SLC71A2: variants seen among roughly 807,000 people sequenced by gnomAD.
The protein encoded by SLC71A2 is hippocampus abundant transcript-like 1.
At chr9:94,429,086 T>G in the SLC71A2 span, 1 of 1,485,420 alleles carries the variant, frequency 6.7e-7, no homozygotes, top group Non-Finnish European at 9.0e-7. Flanking sequence ...TTTATAATTT[T>G]TCATTGCAGG....
the SLC71A2 span, among the ~76,000 whole-genome samples, chr9:94,427,686 C>CA: frequency 2.1e-5 from 3 of 142,760 alleles, no homozygotes; most frequent in Non-Finnish European, 4.5e-5. Context: ...GACCAGCACT[C>CA]ACTCCACCCT....
the SLC71A2 span, among the ~76,000 whole-genome samples, chr9:94,456,881 C>T: frequency 1.3e-5 from 2 of 152,108 alleles, no homozygotes; most frequent in East Asian, 1.9e-4. Context: ...ATCCATATCC[C>T]ATCCTTCCCA....
chr9:94,429,194 A>T, the SLC71A2 span: 1 of 1,603,254 alleles, frequency 6.2e-7, no homozygotes, highest in Non-Finnish European at 8.5e-7. Flanking sequence ...TGTAGGTTCT[A>T]CATGAAACAT....
chr9:94,440,058 A>T, the SLC71A2 span, among the ~76,000 whole-genome samples: 2 of 152,190 alleles, frequency 1.3e-5, no homozygotes, highest in African/African-American at 4.8e-5. Context: ...ACTGAAAAAT[A>T]TTCCTATTGT....
chr9:94,456,317 A>C, the SLC71A2 span: 2 of 1,614,062 alleles, frequency 1.2e-6, no homozygotes, highest in Non-Finnish European at 1.7e-6. Context: ...GTCTCTCGGA[A>C]TGCAGAGTCA....
the SLC71A2 span, among the ~76,000 whole-genome samples, chr9:94,431,359 A>C: frequency 2.0e-5 from 3 of 151,878 alleles, no homozygotes; most frequent in African/African-American, 7.2e-5. Context: ...GAATTTAGCC[A>C]TTGTAGTTCG....
the SLC71A2 span, among the ~76,000 whole-genome samples, chr9:94,446,405 G>C: frequency 6.6e-6 from 1 of 152,228 alleles, no homozygotes; most frequent in Non-Finnish European, 1.5e-5. Flanking sequence ...TTGAAGAATA[G>C]AGTGAATTTA....
At chr9:94,440,764 T>A in the SLC71A2 span, among the ~76,000 whole-genome samples, 1 of 152,174 alleles carries the variant, frequency 6.6e-6, no homozygotes, top group Admixed American at 6.5e-5. Flanking sequence ...TTTTGTTTTT[T>A]TAGGGGGCAT....
chr9:94,446,316 A>G, the SLC71A2 span, among the ~76,000 whole-genome samples: 1 of 152,266 alleles, frequency 6.6e-6, no homozygotes, highest in African/African-American at 2.4e-5. Context: ...TGTAACATTC[A>G]ACAAGTTCTT....
chr9:94,418,094 C>G, the SLC71A2 span, among the ~76,000 whole-genome samples: 1 of 152,150 alleles, frequency 6.6e-6, no homozygotes, highest in Non-Finnish European at 1.5e-5. Flanking sequence ...AACTCCTGAC[C>G]TCCTGATCCG....
At chr9:94,389,413 A>C in the SLC71A2 span, among the ~76,000 whole-genome samples, 2 of 151,044 alleles carry the variant, frequency 1.3e-5, no homozygotes, top group African/African-American at 4.9e-5. Flanking sequence ...CTACAAGCAT[A>C]CACCATCACC....
chr9:94,389,146 A>G, the SLC71A2 span, among the ~76,000 whole-genome samples: 1 of 151,862 alleles, frequency 6.6e-6, no homozygotes. Context: ...AGTTAGCAGC[A>G]GAGCCAGGAA....
chr9:94,447,802 G>A, the SLC71A2 span, among the ~76,000 whole-genome samples: 1 of 152,030 alleles, frequency 6.6e-6, no homozygotes, highest in Non-Finnish European at 1.5e-5. Flanking sequence ...AATTTTCACT[G>A]CAAAAATCCC....
chr9:94,383,468 G>A, the SLC71A2 span, among the ~76,000 whole-genome samples: 2 of 152,000 alleles, frequency 1.3e-5, no homozygotes, highest in Admixed American at 1.3e-4. Context: ...GTCTACTTTT[G>A]CATCTTTGTC....
At chr9:94,399,790 A>G in the SLC71A2 span, among the ~76,000 whole-genome samples, 4 of 145,038 alleles carry the variant, frequency 2.8e-5, no homozygotes, top group South Asian at 8.6e-4. Context: ...TGAGGTGAGT[A>G]TTGCCGGGGA....
chr9:94,446,904 C>T, the SLC71A2 span: 1 of 1,608,832 alleles, frequency 6.2e-7, no homozygotes, highest in Non-Finnish European at 8.5e-7. Flanking sequence ...TGAAGCTGGA[C>T]AGTATTCAAG....
the SLC71A2 span, chr9:94,459,325 T>C: frequency 6.2e-7 from 1 of 1,614,146 alleles, no homozygotes; most frequent in Non-Finnish European, 8.5e-7. Flanking sequence ...GGGGCAGTGA[T>C]GAGGACATTG....
the SLC71A2 span, among the ~76,000 whole-genome samples, chr9:94,430,634 G>T: frequency 6.6e-6 from 1 of 152,132 alleles, no homozygotes; most frequent in African/African-American, 2.4e-5. Flanking sequence ...TGTTAACATT[G>T]TTCTCGAACA....
the SLC71A2 span, chr9:94,441,057 T>A: frequency 6.2e-7 from 1 of 1,611,578 alleles, no homozygotes; most frequent in Non-Finnish European, 8.5e-7. Context: ...CCTATGTAGC[T>A]GATGTCACTC....
Sources: gnomAD v4.1 joint callset for allele counts (sites outside exome capture counted in the v4.1 genomes callset) on GRCh38, gnomAD v4.1.1 for gene constraint, MANE v1.5 for transcripts, NCBI Gene and HGNC (gene_info 2026-07-23, HGNC 2026-07-21) for gene names.